Variants in MAML2 observed in about 807,000 individuals in gnomAD.
MAML2 encodes mastermind-like protein 2.
A neutral mutation model predicts 96.1 loss-of-function variants in MAML2; 22 were observed. The observed-to-expected ratio is 0.23, with a 90% CI of 0.16 to 0.33. The LOEUF is 0.33. Among genes scored for constraint, MAML2 ranks in the 10% least tolerant of loss-of-function variants. The probability of loss-of-function intolerance (pLI) is 1.00; values close to 1 mark genes in which losing one functional copy is unlikely to be tolerated. For synonymous variants in MAML2, 561 were observed against 521.3 expected (o/e 1.08, Z -1.04); for missense variants, 1,367 against 1,392.4 (o/e 0.98, Z 0.29).
chr11:96,291,115 C>CT (rs58889757), intron 1 of MAML2, among the ~76,000 whole-genome samples: 8,097 of 69,072 alleles, frequency 0.12, 1,850 homozygotes, highest in African/African-American at 0.13. Flanking sequence ...TTTCACAAGC[C>CT]TTTTTTTTTT....
At chr11:96,048,050 G>T (rs914629641) in intron 2 of MAML2, among the ~76,000 whole-genome samples, 4 of 152,084 alleles carry the variant, frequency 2.6e-5, no homozygotes, top group African/African-American at 9.7e-5. Flanking sequence ...GGTAGGTGGG[G>T]TAGTTTGAGA....
At chr11:96,293,093 C>T (rs930132011) in intron 1 of MAML2, among the ~76,000 whole-genome samples, 1 of 152,172 alleles carries the variant, frequency 6.6e-6, no homozygotes, top group Non-Finnish European at 1.5e-5. Flanking sequence ...GACATGCATA[C>T]ATTTTTAAAA....
intron 2 of MAML2, among the ~76,000 whole-genome samples, chr11:96,047,140 G>A (rs573428737): frequency 5.3e-5 from 8 of 152,322 alleles, no homozygotes; most frequent in African/African-American, 1.9e-4. Flanking sequence ...CCAACTGACA[G>A]GAGTATAGTG....
chr11:95,979,656 A>ATTG lies in MAML2; in HGVS notation c.2760_2762dup (p.Asn921dup). ...CAGATCCAGCTCCAAAAGTGGCTAC[A>ATTG]TTGTTATTATTACTTGGCCCTAAGG... On this transcript the variant is annotated inframe_insertion, in exon 5 of 5. Coordinates refer to ENST00000524717, the MANE Select transcript of MAML2 (RefSeq NM_032427.4). 2 of 1,613,898 alleles carry ATTG rather than the reference A, an allele frequency of 1.2e-6. No individual in the cohort carries two copies. Among genetic ancestry groups the ATTG allele is most frequent in the Non-Finnish European group, 1.7e-6 (2 of 1,179,866 alleles).
intron 1 of MAML2, among the ~76,000 whole-genome samples, chr11:96,286,322 C>T (rs899482738): frequency 3.3e-5 from 5 of 152,008 alleles, no homozygotes; most frequent in African/African-American, 9.7e-5. Flanking sequence ...TCAGTCCTGT[C>T]GGAGGGAGCA....
At chr11:95,982,001 G>C (rs973677580) in intron 4 of MAML2, among the ~76,000 whole-genome samples, 3 of 152,114 alleles carry the variant, frequency 2.0e-5, no homozygotes, top group Admixed American at 6.5e-5. Context: ...CTCCTAACAG[G>C]TGACAGAGAC....
chr11:95,999,075 T>C (rs1299288044), intron 2 of MAML2, among the ~76,000 whole-genome samples: 2 of 152,122 alleles, frequency 1.3e-5, no homozygotes, highest in Non-Finnish European at 2.9e-5. Flanking sequence ...TGTAAAAAAG[T>C]CCAAATTAAA....
chr11:96,123,336 C>T (rs1168938678), intron 1 of MAML2, among the ~76,000 whole-genome samples: 2 of 151,616 alleles, frequency 1.3e-5, no homozygotes, highest in African/African-American at 2.4e-5. Context: ...CCTGCTTCTA[C>T]AGGTGACAGC....
chr11:95,978,573 C>T lies in MAML2; in HGVS notation c.*375G>A, dbSNP rs1857683237. ...GGAGTTTGTTGCTTGGAACTAGTAC[C>T]TCCTCATGACATGGGGTTTAAATAA... On this transcript the variant is annotated 3_prime_UTR_variant, in exon 5 of 5. Coordinates refer to ENST00000524717, the MANE Select transcript of MAML2 (RefSeq NM_032427.4). 3 of 246,080 alleles carry T rather than the reference C, an allele frequency of 1.2e-5. No individual in the cohort carries two copies. In the South Asian group the frequency reaches 4.2e-4, roughly 35 times the overall value. 15.2% of individuals were successfully genotyped at this position (246,080 alleles called of 1,614,324 possible).
At chr11:96,170,498 G>C (rs1298956440) in intron 1 of MAML2, among the ~76,000 whole-genome samples, 1 of 152,190 alleles carries the variant, frequency 6.6e-6, no homozygotes, top group Non-Finnish European at 1.5e-5. Context: ...TTAGAAAATT[G>C]AAGGTAGCTC....
At chr11:96,231,630 A>C (rs775234523) in intron 1 of MAML2, among the ~76,000 whole-genome samples, 6 of 152,212 alleles carry the variant, frequency 3.9e-5, no homozygotes, top group Non-Finnish European at 8.8e-5. Flanking sequence ...ACTATATTTA[A>C]GACCTTATGA....
chr11:96,056,639 T>C (rs16922944), intron 2 of MAML2, among the ~76,000 whole-genome samples: 2,037 of 152,334 alleles, frequency 0.013, 44 homozygotes, highest in African/African-American at 0.046. Context: ...ATGAGAATAC[T>C]GATTTACATG....
intron 1 of MAML2, among the ~76,000 whole-genome samples, chr11:96,094,711 T>G (rs576489522): frequency 3.9e-5 from 6 of 152,238 alleles, no homozygotes; most frequent in Non-Finnish European, 5.9e-5. Context: ...GATTTGTCTC[T>G]GAAGTGAGAG....
In MAML2 at chr11:96,101,383, A is replaced by G. The variant is rs531581988; in HGVS notation, c.514-7866T>C. Among the ~76,000 whole-genome samples, 73 of 152,354 alleles carry G rather than the reference A, an allele frequency of 4.8e-4. 2 individuals are homozygous for G. The highest frequency in any genetic ancestry group is 9.1e-4 in the Admixed American group (14 of 15,302). On this transcript the variant is annotated intron_variant, in intron 1 of 4. Transcript: ENST00000524717. ...GGAGAATGTTCCAAGTTTATCTTTA[A>G]CCAACAAAATAGTCATTGAGGAGAA...
chr11:96,339,431 G>A (rs1214865272), intron 1 of MAML2, among the ~76,000 whole-genome samples: 1 of 152,212 alleles, frequency 6.6e-6, no homozygotes, highest in Non-Finnish European at 1.5e-5. Context: ...CTGCCAAGTT[G>A]GACAAAAGCA....
intron 2 of MAML2, among the ~76,000 whole-genome samples, chr11:96,062,648 TAGAC>T (rs1417114045): frequency 6.6e-6 from 1 of 152,178 alleles, no homozygotes; most frequent in Non-Finnish European, 1.5e-5. Context: ...TTTTACCTCT[TAGAC>T]AGGATATCCA....
intron 2 of MAML2, among the ~76,000 whole-genome samples, chr11:96,036,636 A>G (rs999866932): frequency 2.0e-5 from 3 of 152,198 alleles, no homozygotes; most frequent in African/African-American, 7.2e-5. Flanking sequence ...GAGGGAAACT[A>G]GATCTCAAGA....
At chr11:96,165,075 T>C (rs1340961941) in intron 1 of MAML2, among the ~76,000 whole-genome samples, 1 of 152,246 alleles carries the variant, frequency 6.6e-6, no homozygotes, top group Non-Finnish European at 1.5e-5. Context: ...CTGTTAATTT[T>C]TCAAATATAT....
chr11:96,101,118 T>C (rs1859921880), intron 1 of MAML2, among the ~76,000 whole-genome samples: 1 of 152,176 alleles, frequency 6.6e-6, no homozygotes, highest in Non-Finnish European at 1.5e-5. Flanking sequence ...ATTCAGGTTC[T>C]ATATAGAGAA....
Sources: allele counts gnomAD v4.1 joint callset (sites outside exome capture counted in the v4.1 genomes callset), GRCh38; gene constraint gnomAD v4.1.1; transcripts MANE v1.5; gene names NCBI Gene and HGNC (gene_info 2026-07-23, HGNC 2026-07-21).